Variants in CTNNA3 observed in about 807,000 individuals in gnomAD.
The protein encoded by CTNNA3 is catenin alpha-3.
Under a neutral mutation model 95.7 loss-of-function variants are expected in CTNNA3, and 76 were observed. The observed-to-expected ratio is 0.79, with a 90% CI of 0.66 to 0.96. The LOEUF (loss-of-function observed/expected upper bound fraction) is 0.96. Ranked by LOEUF, CTNNA3 falls within the 40% of genes least tolerant of loss-of-function variation. CTNNA3 has a pLI of 0.00. For synonymous variants in CTNNA3, 431 were observed against 374.4 expected (o/e 1.15, Z -1.74); for missense variants, 1,191 against 1,089.8 (o/e 1.09, Z -1.31).
chr10:66,713,156 T>C (rs780780984), intron 9 of CTNNA3, among the ~76,000 whole-genome samples: 3 of 152,170 alleles, frequency 2.0e-5, no homozygotes, highest in Non-Finnish European at 4.4e-5. Context: ...TGGGTCTCTC[T>C]AATGCCTGTG....
At chr10:66,926,473 T>C in intron 7 of CTNNA3, 1 of 1,272,130 alleles carries the variant, frequency 7.9e-7, no homozygotes, top group Non-Finnish European at 1.1e-6. Context: ...TTTTTCTTCC[T>C]GGGTGTCAGC....
chr10:66,782,294 A>G (rs906355656), intron 7 of CTNNA3, among the ~76,000 whole-genome samples: 1 of 152,164 alleles, frequency 6.6e-6, no homozygotes, highest in Non-Finnish European at 1.5e-5. Flanking sequence ...TAGACATATC[A>G]TTGGTGTTAC....
At chr10:67,024,747 T>C (rs1853246289) in intron 7 of CTNNA3, among the ~76,000 whole-genome samples, 1 of 152,216 alleles carries the variant, frequency 6.6e-6, no homozygotes, top group South Asian at 2.1e-4. Context: ...CAGAGCCTAC[T>C]AAACATTCTT....
intron 5 of CTNNA3, among the ~76,000 whole-genome samples, chr10:67,518,467 T>C (rs576243016): frequency 2.0e-5 from 3 of 152,286 alleles, no homozygotes; most frequent in African/African-American, 7.2e-5. Context: ...AGATACGTGA[T>C]GTGTTCCAAC....
chr10:66,887,113 A>T (rs945070110), intron 7 of CTNNA3, among the ~76,000 whole-genome samples: 1 of 152,234 alleles, frequency 6.6e-6, no homozygotes. Context: ...ACACCAGGAG[A>T]GCTGTCACAC....
At position 66,952,294 on chromosome 10, in the gene CTNNA3, C is replaced by T. The variant is rs117122351; in HGVS notation, c.1048-176770G>A. 2.3e-3 allele frequency among the ~76,000 whole-genome samples: 345 copies of T among 152,248 alleles called. 1 individual carries two copies. The highest frequency in any genetic ancestry group is 5.6e-3 in the Admixed American group (85 of 15,284). On this transcript the variant is annotated intron_variant, in intron 7 of 17. Coordinates refer to ENST00000433211, the MANE Select transcript of CTNNA3 (RefSeq NM_013266.4). ...CCAGATGCATACAAAAGTTCTGAGG[C>T]TTTGAAAAGAGACAGATGTCACTTT...
At position 66,883,602 on chromosome 10, in the gene CTNNA3, T is replaced by C. The variant is rs78125284; in HGVS notation, c.1048-108078A>G. Among the ~76,000 whole-genome samples the C allele has an allele frequency of 9.1e-3, 1,390 of 152,242 alleles. 23 individuals carry two copies. Among genetic ancestry groups the C allele is most frequent in the African/African-American group, 0.032 (1,314 of 41,550 alleles). On this transcript the variant is annotated intron_variant, in intron 7 of 17. Coordinates refer to ENST00000433211, the MANE Select transcript of CTNNA3 (RefSeq NM_013266.4). ...TGCAAGGTAGATACCAAAATGCCCA[T>C]ATTATGGTTGATTAAAGTGAGTGTT...
chr10:67,426,686 T>C (rs561497811), intron 5 of CTNNA3, among the ~76,000 whole-genome samples: 1 of 151,960 alleles, frequency 6.6e-6, no homozygotes, highest in African/African-American at 2.4e-5. Flanking sequence ...GGGATAGCAT[T>C]AGGAGAAATA....
chr10:65,968,703 C>A (rs964860537), intron 16 of CTNNA3, among the ~76,000 whole-genome samples: 30 of 152,204 alleles, frequency 2.0e-4, no homozygotes, highest in African/African-American at 6.8e-4. Context: ...GTAGAGGAGC[C>A]TCTCTGCTTC....
chr10:66,909,769 G>A (rs1404806355), intron 7 of CTNNA3, among the ~76,000 whole-genome samples: 1 of 152,068 alleles, frequency 6.6e-6, no homozygotes, highest in African/African-American at 2.4e-5. Flanking sequence ...ATCACATCTT[G>A]GGTAACAGAT....
At chr10:67,169,921 A>G (rs1861939445) in intron 7 of CTNNA3, among the ~76,000 whole-genome samples, 1 of 152,196 alleles carries the variant, frequency 6.6e-6, no homozygotes, top group Non-Finnish European at 1.5e-5. Flanking sequence ...ACTTAAACAA[A>G]TTGACAAAAG....
At chr10:66,530,029 A>G (rs960340743) in intron 10 of CTNNA3, among the ~76,000 whole-genome samples, 3 of 152,192 alleles carry the variant, frequency 2.0e-5, no homozygotes, top group African/African-American at 7.2e-5. Flanking sequence ...TGATGTATAT[A>G]CTTCTCTTGA....
intron 11 of CTNNA3, among the ~76,000 whole-genome samples, chr10:66,477,338 GC>G (rs1187270010): frequency 1.3e-5 from 2 of 152,044 alleles, no homozygotes; most frequent in African/African-American, 4.8e-5. Context: ...ATATTTCAGA[GC>G]TTTTAAAATG....
intron 2 of CTNNA3, among the ~76,000 whole-genome samples, chr10:67,617,628 G>A (rs902965734): frequency 6.6e-6 from 1 of 152,074 alleles, no homozygotes; most frequent in Admixed American, 6.6e-5. Context: ...TCCAGTAATG[G>A]GATTACTGGG....
At chr10:66,200,799 A>G (rs190462672) in intron 13 of CTNNA3, among the ~76,000 whole-genome samples, 2 of 152,358 alleles carry the variant, frequency 1.3e-5, no homozygotes, top group Non-Finnish European at 2.9e-5. Flanking sequence ...TTTAATAGCT[A>G]AAGCTTAGGC....
intron 12 of CTNNA3, among the ~76,000 whole-genome samples, chr10:66,365,082 G>A (rs1017928565): frequency 6.6e-6 from 1 of 152,108 alleles, no homozygotes; most frequent in Non-Finnish European, 1.5e-5. Context: ...AGAAAACAGG[G>A]AGGGGTATAA....
chr10:66,431,049 A>G lies in CTNNA3; in HGVS notation c.1532-51697T>C, dbSNP rs578052759. Among the ~76,000 whole-genome samples, 10 of 139,900 alleles carry G rather than the reference A, an allele frequency of 7.1e-5. No individual in the cohort carries two copies. The East Asian group carries it at 2.5e-3, about 35-fold the overall frequency. 91.8% of individuals were successfully genotyped at this position (139,900 alleles called of 152,430 possible). On this transcript the variant is annotated intron_variant, in intron 11 of 17. Transcript: ENST00000433211. ...CAGAATCCACAAAGAACTCAAATTT[A>G]CAAGAAAAAAAAAAACCCATCAAAA... is the stretch of plus-strand genomic sequence containing the variant.
chr10:67,598,791 C>T (rs1842998036), intron 3 of CTNNA3, among the ~76,000 whole-genome samples: 1 of 151,838 alleles, frequency 6.6e-6, no homozygotes, highest in African/African-American at 2.4e-5. Context: ...TAAGATGTCA[C>T]AGGACAGAGT....
chr10:66,646,991 T>C (rs1845727670), intron 9 of CTNNA3, among the ~76,000 whole-genome samples: 1 of 147,750 alleles, frequency 6.8e-6, no homozygotes. Context: ...CTATCAATAA[T>C]AATTCTGTGA....
Sources: gnomAD v4.1 joint callset for allele counts (sites outside exome capture counted in the v4.1 genomes callset) on GRCh38, gnomAD v4.1.1 for gene constraint, MANE v1.5 for transcripts, NCBI Gene and HGNC (gene_info 2026-07-23, HGNC 2026-07-21) for gene names.